The following ST3GAL5 variants were observed in gnomAD, a reference collection of about 807,000 sequenced individuals.
ST3GAL5 encodes ST3 beta-galactoside alpha-2,3-sialyltransferase 5, also known as lactosylceramide alpha-2,3-sialyltransferase.
Under a neutral mutation model 46.1 loss-of-function variants are expected in ST3GAL5, and 25 were observed. The observed-to-expected ratio is 0.54, with a 90% CI of 0.40 to 0.76. The LOEUF is 0.76. Among genes scored for constraint, ST3GAL5 ranks in the 30% least tolerant of loss-of-function variants. The pLI is 0.00. For synonymous variants in ST3GAL5, 182 were observed against 192.7 expected, an observed-to-expected ratio of 0.94 and a Z score of 0.46; for missense variants, 431 against 521.2, an observed-to-expected ratio of 0.83 and a Z score of 1.69.
intron 1 of ST3GAL5, among the ~76,000 whole-genome samples, chr2:85,876,754 G>A (rs1052726323): frequency 2.6e-5 from 4 of 151,754 alleles, no homozygotes; most frequent in Admixed American, 6.6e-5. Flanking sequence ...CACCACGCCC[G>A]ACCCTCTACA....
intron 3 of ST3GAL5, chr2:85,848,843 T>C (rs973452027): frequency 1.3e-5 from 2 of 157,882 alleles, no homozygotes; most frequent in African/African-American, 4.8e-5. Context: ...TTTTATGTTT[T>C]TTTTAACCAC....
intron 3 of ST3GAL5, among the ~76,000 whole-genome samples, chr2:85,859,053 C>G (rs2104039213): frequency 6.6e-6 from 1 of 152,352 alleles, no homozygotes; most frequent in East Asian, 1.9e-4. Flanking sequence ...CAGGTTGACA[C>G]AGATGTGCCT....
intron 4 of ST3GAL5, chr2:85,847,367 G>A (rs974042483): frequency 2.0e-6 from 2 of 994,770 alleles, no homozygotes; most frequent in South Asian, 8.9e-5. Flanking sequence ...CCTCTGACAA[G>A]GTTCTGCCAC....
chr2:85,857,536 CAAAAA>C (rs369873432), intron 3 of ST3GAL5, among the ~76,000 whole-genome samples: 2 of 73,374 alleles, frequency 2.7e-5, no homozygotes, highest in Non-Finnish European at 2.8e-5. Flanking sequence ...GACTCCGTCT[CAAAAA>C]AAAAAAAAAA....
intron 1 of ST3GAL5, chr2:85,867,716 T>C (rs940178192): frequency 3.9e-6 from 3 of 770,790 alleles, no homozygotes; most frequent in Non-Finnish European, 7.3e-6. Context: ...ACTGAAGGAA[T>C]GTATAGGACA....
intron 1 of ST3GAL5, among the ~76,000 whole-genome samples, chr2:85,879,219 A>C (rs1030663146): frequency 6.6e-6 from 1 of 152,008 alleles, no homozygotes; most frequent in Non-Finnish European, 1.5e-5. Context: ...GAAAGGCCGG[A>C]AGGTGGCCAA....
Position 85,863,422 on chromosome 2 carries a change from C to A in ST3GAL5, c.146G>T (p.Trp49Leu). Residue 49 changes from tryptophan to leucine, a missense_variant, in exon 2 of 7, where the codon TGG (tryptophan) becomes TTG (leucine). Physicochemically the swap from Trp to Leu is moderately conservative, Grantham distance 61 (BLOSUM62 -2). Coordinates refer to ENST00000638572, the MANE Select transcript of ST3GAL5 (RefSeq NM_003896.4). ...CATCTTGCTTTGAGCTCGGGTGTACCATTGCAGGGAAGGCCTCGAGCAATC... is the reference window on the plus strand; with the variant it reads ...CATCTTGCTTTGAGCTCGGGTGTACAATTGCAGGGAAGGCCTCGAGCAATC... ...RSDCSRPSLQWYTRAQSKMRR... is the reference protein window; with the variant it reads ...RSDCSRPSLQLYTRAQSKMRR... The A allele has an allele frequency of 6.2e-7, 1 of 1,614,148 alleles. No individual in the cohort carries two copies. Among genetic ancestry groups the A allele is most frequent in the Non-Finnish European group, 8.5e-7 (1 of 1,180,032 alleles).
chr2:85,845,950 C>T (rs1573587630), intron 5 of ST3GAL5: 1 of 198,940 alleles, frequency 5.0e-6, no homozygotes, highest in African/African-American at 2.4e-5. Flanking sequence ...AATCCCAGCA[C>T]TTTTGGAGGC....
Position 85,888,927 on chromosome 2 carries a change from G to C in ST3GAL5, c.-22C>G, listed in dbSNP as rs1326448091. 4.5e-6 allele frequency: 6 copies of C among 1,338,098 alleles called. No homozygotes were observed. The African/African-American group carries it at 9.2e-5, about 20-fold the overall frequency. 82.9% of individuals were successfully genotyped at this position (1,338,098 alleles called of 1,614,324 possible). A position where few individuals can be genotyped will look rare whatever the true frequency, so the allele number is the denominator to read the frequency against. On this transcript the variant is annotated 5_prime_UTR_variant, in exon 1 of 7. Coordinates refer to ENST00000638572, the MANE Select transcript of ST3GAL5 (RefSeq NM_003896.4). Reference sequence around the variant, plus strand: ...GCATACTAATGAGGGGGCGCCGGCCGGCCGCCAGCCCGGTACCCCGCGCCC... The same window carrying C: ...GCATACTAATGAGGGGGCGCCGGCCCGCCGCCAGCCCGGTACCCCGCGCCC...
At position 85,864,600 on chromosome 2, in the gene ST3GAL5, AAGAG is replaced by A. The variant is rs754327649; in HGVS notation, c.83-1119_83-1116del. On this transcript the variant is annotated intron_variant, in intron 1 of 6. Transcript: ENST00000638572. ...TGTTACATCAAAAAAAAAAAAGAAA[AAGAG>A]AGAATATGGCAATTTAAAAACACTT... 1.0e-3 allele frequency among the ~76,000 whole-genome samples: 158 copies of A among 152,044 alleles called. 1 individual carries two copies. The highest frequency in any genetic ancestry group is 8.3e-3 in the East Asian group (43 of 5,186).
chr2:85,882,870 C>T (rs566397607), intron 1 of ST3GAL5, among the ~76,000 whole-genome samples: 40 of 150,738 alleles, frequency 2.7e-4, no homozygotes, highest in Admixed American at 8.6e-4. Flanking sequence ...CACTGGATTT[C>T]GGACTTGCAT....
At chr2:85,857,619 A>G (rs1325429129) in intron 3 of ST3GAL5, among the ~76,000 whole-genome samples, 2 of 152,032 alleles carry the variant, frequency 1.3e-5, no homozygotes, top group African/African-American at 4.8e-5. Context: ...TGCCTAAAAT[A>G]CATAGAGTTG....
intron 1 of ST3GAL5, among the ~76,000 whole-genome samples, chr2:85,868,248 G>A (rs912662810): frequency 1.3e-5 from 2 of 152,328 alleles, no homozygotes; most frequent in East Asian, 3.9e-4. Context: ...TGAATCAGGG[G>A]CATGCTTTGT....
intron 1 of ST3GAL5, among the ~76,000 whole-genome samples, chr2:85,864,715 A>G (rs193244786): frequency 6.9e-4 from 105 of 152,316 alleles, no homozygotes; most frequent in African/African-American, 2.4e-3. Flanking sequence ...TAATATTCCA[A>G]TAGTACTGTA....
chr2:85,869,647 C>T (rs1490858018), intron 1 of ST3GAL5, among the ~76,000 whole-genome samples: 3 of 152,124 alleles, frequency 2.0e-5, no homozygotes, highest in South Asian at 4.1e-4. Flanking sequence ...GAAAGGACCA[C>T]ACGTTTGCTG....
At chr2:85,883,036 T>A (rs1296365504) in intron 1 of ST3GAL5, among the ~76,000 whole-genome samples, 1 of 152,024 alleles carries the variant, frequency 6.6e-6, no homozygotes, top group African/African-American at 2.4e-5. Context: ...TCGGTGGACT[T>A]TTGGGTTAAT....
rs1188987588 is a variant in ST3GAL5, at chr2:85,838,832, GA to G, written c.*1311del. On this transcript the variant is annotated 3_prime_UTR_variant, in exon 7 of 7. Coordinates refer to ENST00000638572, the MANE Select transcript of ST3GAL5 (RefSeq NM_003896.4). ...GTGACAAGAGCAGCCACAGAGTGGA[GA>G]ACAGCGATGGCGGCAGCCGAGTCTG... 1 of 152,482 alleles carries G rather than the reference GA, an allele frequency of 6.6e-6. No individual in the cohort carries two copies. The highest frequency in any genetic ancestry group is 2.4e-5 in the African/African-American group (1 of 41,474). 9.4% of individuals were successfully genotyped at this position (152,482 alleles called of 1,614,324 possible).
rs766515210 is a variant in ST3GAL5, at chr2:85,863,369, T to A, written c.199A>T (p.Ile67Phe). 6.2e-7 allele frequency: 1 copy of A among 1,614,176 alleles called. No homozygotes were observed. The highest frequency in any genetic ancestry group is 8.5e-7 in the Non-Finnish European group (1 of 1,180,028). Residue 67 changes from isoleucine to phenylalanine, a missense_variant, in exon 2 of 7, where the codon ATC (isoleucine) becomes TTC (phenylalanine). Coordinates refer to ENST00000638572, the MANE Select transcript of ST3GAL5 (RefSeq NM_003896.4). Reference sequence around the variant, plus strand: ...CCCAGGGGCGGTACTTACTTGAGGATGTCTTTTAATAACAAGCTGGGCCTT... The same window carrying A: ...CCCAGGGGCGGTACTTACTTGAGGAAGTCTTTTAATAACAAGCTGGGCCTT... ...MRRPSLLLKD[I>F]LKCTLLVFGV...
chr2:85,851,521 G>A (rs1488132244), intron 3 of ST3GAL5: 5 of 1,289,042 alleles, frequency 3.9e-6, no homozygotes, highest in Admixed American at 2.3e-5. Context: ...GATGGTTTCT[G>A]TTCTTGCTTC....
Sources: gnomAD v4.1 joint callset for allele counts (sites outside exome capture counted in the v4.1 genomes callset) on GRCh38, gnomAD v4.1.1 for gene constraint, MANE v1.5 for transcripts, NCBI Gene and HGNC (gene_info 2026-07-23, HGNC 2026-07-21) for gene names.